Variants in CWF19L2 observed in about 807,000 individuals in gnomAD.
CWF19L2 encodes CWF19 like cell cycle control factor 2, also known as CWF19-like protein 2.
CWF19L2 carries 98 observed loss-of-function variants against 111.7 expected under a neutral mutation model. The ratio of observed to expected loss-of-function variants is 0.88; its 90% CI spans 0.75 to 1.04. The LOEUF (loss-of-function observed/expected upper bound fraction) is 1.04, where lower values mean the gene tolerates loss of function less well. CWF19L2 is among the 50% of genes least tolerant of loss of function. The pLI is 0.00. For synonymous variants in CWF19L2, 351 were observed against 342.9 expected, an observed-to-expected ratio of 1.02 and a Z score of -0.26; for missense variants, 1,101 against 1,051.4, an observed-to-expected ratio of 1.05 and a Z score of -0.65.
At chr11:107,416,444 T>C in intron 9 of CWF19L2, 146 bp from the exon 10 acceptor site, 1 of 367,812 alleles carries the variant, frequency 2.7e-6, no homozygotes, top group Non-Finnish European at 4.8e-6. Context: ...ACCCATAGCC[T>C]AGTATACTAC....
At chr11:107,442,755 G>C (rs1591207794) in intron 4 of CWF19L2, among the ~76,000 whole-genome samples, 184 bp downstream of exon 4, 1 of 28,446 alleles carries the variant, frequency 3.5e-5, no homozygotes, top group Non-Finnish European at 6.7e-5. Context: ...AGGAAGGAAG[G>C]AAGGAAGGAA....
At chr11:107,404,442 G>A in intron 10 of CWF19L2, 1 of 775,142 alleles carries the variant, frequency 1.3e-6, no homozygotes, top group Non-Finnish European at 2.4e-6. Context: ...GCCATGAACT[G>A]GCTGTTGGCA....
At chr11:107,448,013 C>G (rs1014905461) in intron 3 of CWF19L2, among the ~76,000 whole-genome samples, 1 of 152,020 alleles carries the variant, frequency 6.6e-6, no homozygotes, top group African/African-American at 2.4e-5. Context: ...ATGAAAATGT[C>G]ACTGGATAGG....
intron 8 of CWF19L2, 72 bp downstream of exon 8, chr11:107,428,727 G>A: frequency 8.4e-7 from 1 of 1,194,274 alleles, no homozygotes; most frequent in South Asian, 1.5e-5. Flanking sequence ...AATAACTGAT[G>A]TTCTAAAAAT....
chr11:107,452,789 G>A (rs566705119), intron 3 of CWF19L2, among the ~76,000 whole-genome samples: 22 of 152,242 alleles, frequency 1.4e-4, no homozygotes, highest in Admixed American at 1.2e-3. Context: ...CCAGGAGTTC[G>A]AGACCAGCCT....
intron 14 of CWF19L2, among the ~76,000 whole-genome samples, chr11:107,343,181 T>A (rs1860030103): frequency 2.6e-5 from 4 of 152,366 alleles, no homozygotes; most frequent in Middle Eastern, 3.4e-3. Context: ...ACTTTCAGTC[T>A]GGTTGTTCCA....
intron 1 of CWF19L2, among the ~76,000 whole-genome samples, chr11:107,457,433 G>A (rs989100783): frequency 6.6e-6 from 1 of 152,154 alleles, no homozygotes; most frequent in Non-Finnish European, 1.5e-5. Context: ...TGCAGTCCGA[G>A]TGATAGAAAT....
intron 12 of CWF19L2, among the ~76,000 whole-genome samples, chr11:107,385,342 T>C (rs1860749581): frequency 6.6e-6 from 1 of 152,006 alleles, no homozygotes; most frequent in African/African-American, 2.4e-5. Context: ...ACAATTTGCT[T>C]GAATAAAAAT....
At chr11:107,398,157 A>G (rs1458957686) in intron 10 of CWF19L2, among the ~76,000 whole-genome samples, 1 of 152,206 alleles carries the variant, frequency 6.6e-6, no homozygotes, top group Non-Finnish European at 1.5e-5. Context: ...GTTCGCCAGC[A>G]ATGGATCCAA....
At position 107,326,840 on chromosome 11, in the gene CWF19L2, G is replaced by A. The variant is rs1859767928; in HGVS notation, c.*70C>T. On this transcript the variant is annotated 3_prime_UTR_variant, in exon 18 of 18. Transcript: ENST00000282251. ...TCTGCCTGTGACCTGAGGGTCAGTT[G>A]CTTCATTAGATGCAATGGAAATAAA... 2 of 1,349,918 alleles carry A rather than the reference G, an allele frequency of 1.5e-6. No individual in the cohort carries two copies. Among genetic ancestry groups the A allele is most frequent in the Admixed American group, 4.7e-5 (2 of 42,118 alleles). The allele number at this position is 1,349,918 out of a possible 1,614,324, so 83.6% of individuals were successfully genotyped here. A position where few individuals can be genotyped will look rare whatever the true frequency, so the allele number is the denominator to read the frequency against.
In CWF19L2 at chr11:107,373,984, A is replaced by G. The variant is rs1400907326; in HGVS notation, c.1872+16090T>C. On this transcript the variant is annotated intron_variant, in intron 12 of 17. Coordinates refer to ENST00000282251, the MANE Select transcript of CWF19L2 (RefSeq NM_152434.3). ...ACTACGTGAAGAATGCAGAAGCCTC[A>G]GGAGCTGATGCGATCAACTGGAAGA... Among the ~76,000 whole-genome samples, 2 of 137,060 alleles carry G rather than the reference A, an allele frequency of 1.5e-5. 1 individual carries two copies. Among genetic ancestry groups the G allele is most frequent in the Non-Finnish European group, 3.1e-5 (2 of 64,186 alleles). The allele number at this position is 137,060 out of a possible 152,430, so 89.9% of individuals were successfully genotyped here.
rs190412980 is a variant in CWF19L2 at position 107,326,416 on chromosome 11, A to T, written c.*494T>A. ...GGGGACATTTCCTTTTCCTTTAACA[A>T]AAAGAATAGAAGTGATACTATATAC... On this transcript the variant is annotated 3_prime_UTR_variant, in exon 18 of 18. Coordinates refer to ENST00000282251, the MANE Select transcript of CWF19L2 (RefSeq NM_152434.3). The T allele has an allele frequency of 2.0e-5, 3 of 152,366 alleles. No homozygotes were observed. Among genetic ancestry groups the T allele is most frequent in the Admixed American group, 2.0e-4 (3 of 15,292 alleles). 9.4% of individuals were successfully genotyped at this position (152,366 alleles called of 1,614,324 possible).
chr11:107,398,861 G>A (rs1222937698), intron 10 of CWF19L2, among the ~76,000 whole-genome samples: 1 of 152,168 alleles, frequency 6.6e-6, no homozygotes. Flanking sequence ...TAAGCTAGAA[G>A]GGATTGGGGA....
In CWF19L2 at chr11:107,437,338, T is replaced by C. The variant is rs192370352; in HGVS notation, c.664+1752A>G. On this transcript the variant is annotated intron_variant, in intron 6 of 17. Transcript: ENST00000282251. Reference sequence around the variant, plus strand: ...AAGCTAATTAGTGGAAATGCCAACATTCTAATCCCAAGTAGACTGACTCCA... The same window carrying C: ...AAGCTAATTAGTGGAAATGCCAACACTCTAATCCCAAGTAGACTGACTCCA... Among the ~76,000 whole-genome samples, 4 of 152,262 alleles carry C rather than the reference T, an allele frequency of 2.6e-5. No individual in the cohort carries two copies. The East Asian group carries it at 7.7e-4, about 29-fold the overall frequency.
intron 10 of CWF19L2, among the ~76,000 whole-genome samples, chr11:107,409,827 G>A (rs1004426087): frequency 1.3e-5 from 2 of 152,030 alleles, no homozygotes; most frequent in Non-Finnish European, 2.9e-5. Context: ...TCATTTTTAA[G>A]ATTTACAATA....
rs1861134806 is a variant in CWF19L2 at position 107,410,053 on chromosome 11, TG to T, written c.1617+6155del. Among the ~76,000 whole-genome samples the T allele has an allele frequency of 2.0e-5, 3 of 152,108 alleles. No individual in the cohort carries two copies. The South Asian group carries it at 6.2e-4, about 31-fold the overall frequency. ...TGATGGTTTTTCACTAAAGCCAAAA[TG>T]GTATTCATAGATATGTGAATGAAGA... On this transcript the variant is annotated intron_variant, in intron 10 of 17. Coordinates refer to ENST00000282251, the MANE Select transcript of CWF19L2 (RefSeq NM_152434.3).
intron 6 of CWF19L2, among the ~76,000 whole-genome samples, chr11:107,437,924 A>G (rs1035122427): frequency 6.6e-6 from 1 of 152,206 alleles, no homozygotes; most frequent in Admixed American, 6.5e-5. Context: ...TAAACTATCT[A>G]TGAAACAGTA....
chr11:107,380,562 TA>T (rs1029811828), intron 12 of CWF19L2, among the ~76,000 whole-genome samples: 2 of 150,730 alleles, frequency 1.3e-5, no homozygotes, highest in South Asian at 2.1e-4. Context: ...CAAAACAAAA[TA>T]AAAAAAAATA....
At chr11:107,433,480 A>T (rs1484731657) in intron 7 of CWF19L2, among the ~76,000 whole-genome samples, 154 bp downstream of exon 7, 1 of 152,140 alleles carries the variant, frequency 6.6e-6, no homozygotes, top group African/African-American at 2.4e-5. Context: ...AATATGATAC[A>T]TGTTTAATAA....
Sources: allele counts gnomAD v4.1 joint callset (sites outside exome capture counted in the v4.1 genomes callset), GRCh38; gene constraint gnomAD v4.1.1; transcripts MANE v1.5; gene names NCBI Gene and HGNC (gene_info 2026-07-23, HGNC 2026-07-21).